The following ENTREP2 variants were observed in gnomAD, a reference collection of about 807,000 sequenced individuals.
The protein encoded by ENTREP2 is endosomal transmembrane epsin interactor 2.
chr15:29,320,486 G>C, the ENTREP2 span, among the ~76,000 whole-genome samples: 1 of 152,112 alleles, frequency 6.6e-6, no homozygotes, highest in Non-Finnish European at 1.5e-5. Flanking sequence ...CAAAAAATTA[G>C]AAGGCATGGT....
chr15:29,513,492 C>T, the ENTREP2 span, among the ~76,000 whole-genome samples: 17 of 152,298 alleles, frequency 1.1e-4, no homozygotes, highest in African/African-American at 3.8e-4. Context: ...AACCATGTCC[C>T]CTCCACCTTC....
At chr15:29,595,624 C>T in the ENTREP2 span, among the ~76,000 whole-genome samples, 1 of 152,150 alleles carries the variant, frequency 6.6e-6, no homozygotes, top group East Asian at 1.9e-4. Flanking sequence ...TTCTTAAGAG[C>T]AGCTACACAG....
At chr15:29,628,734 G>T in the ENTREP2 span, among the ~76,000 whole-genome samples, 1 of 152,092 alleles carries the variant, frequency 6.6e-6, no homozygotes, top group Non-Finnish European at 1.5e-5. Context: ...ATCACTGTGT[G>T]TTTTTGGATG....
chr15:29,207,277 C>T, the ENTREP2 span, among the ~76,000 whole-genome samples: 1 of 152,130 alleles, frequency 6.6e-6, no homozygotes, highest in Non-Finnish European at 1.5e-5. Flanking sequence ...TTGGTTCCCG[C>T]CCGTGGCTTC....
chr15:29,355,377 T>C, the ENTREP2 span, among the ~76,000 whole-genome samples: 1 of 151,764 alleles, frequency 6.6e-6, no homozygotes, highest in African/African-American at 2.4e-5. Context: ...AAACCGTGGT[T>C]CTGGACAGTA....
chr15:29,385,820 C>T, the ENTREP2 span, among the ~76,000 whole-genome samples: 1 of 152,158 alleles, frequency 6.6e-6, no homozygotes, highest in African/African-American at 2.4e-5. Flanking sequence ...TCCAAGACCA[C>T]TCTGGCCTCC....
At chr15:29,309,174 A>G in the ENTREP2 span, among the ~76,000 whole-genome samples, 1 of 152,218 alleles carries the variant, frequency 6.6e-6, no homozygotes, top group Non-Finnish European at 1.5e-5. Context: ...TGTCTCCCCT[A>G]TAATTGAATG....
At chr15:29,534,611 AG>A in the ENTREP2 span, among the ~76,000 whole-genome samples, 128 of 152,328 alleles carry the variant, frequency 8.4e-4, no homozygotes, top group African/African-American at 2.8e-3. Context: ...AATTCTTTTG[AG>A]GGCATGAGGG....
the ENTREP2 span, among the ~76,000 whole-genome samples, chr15:29,579,175 G>T: frequency 6.6e-6 from 1 of 152,136 alleles, no homozygotes; most frequent in African/African-American, 2.4e-5. Flanking sequence ...TAAAGTATGG[G>T]TCACCTTCAA....
the ENTREP2 span, among the ~76,000 whole-genome samples, chr15:29,428,349 T>A: frequency 6.6e-6 from 1 of 152,092 alleles, no homozygotes. Flanking sequence ...GAGTAGCTGT[T>A]ATTACAGGTG....
the ENTREP2 span, among the ~76,000 whole-genome samples, chr15:29,490,383 C>A: frequency 3.3e-5 from 5 of 151,766 alleles, no homozygotes; most frequent in South Asian, 1.0e-3. Context: ...ACAAAACCTC[C>A]ACAACATGGA....
At chr15:29,274,819 C>T in the ENTREP2 span, among the ~76,000 whole-genome samples, 7 of 152,132 alleles carry the variant, frequency 4.6e-5, no homozygotes, top group African/African-American at 1.2e-4. Flanking sequence ...GACACAGGAG[C>T]GCTTGTTAGG....
the ENTREP2 span, among the ~76,000 whole-genome samples, chr15:29,387,962 A>G: frequency 6.6e-6 from 1 of 152,338 alleles, no homozygotes. Context: ...TTATACAAAA[A>G]TTAATTCAAG....
At chr15:29,419,546 G>A in the ENTREP2 span, among the ~76,000 whole-genome samples, 1 of 152,026 alleles carries the variant, frequency 6.6e-6, no homozygotes, top group Non-Finnish European at 1.5e-5. Context: ...AAGAGAACAG[G>A]GTAGAAGAAA....
chr15:29,631,585 T>A, the ENTREP2 span, among the ~76,000 whole-genome samples: 2 of 152,244 alleles, frequency 1.3e-5, no homozygotes, highest in Non-Finnish European at 2.9e-5. Flanking sequence ...CCAGTTCTAA[T>A]CTTTTGATGT....
chr15:29,136,914 C>T, the ENTREP2 span: 5 of 897,796 alleles, frequency 5.6e-6, no homozygotes, highest in Non-Finnish European at 7.8e-6. Flanking sequence ...AGACCCTCTC[C>T]TTCCACTGCC....
the ENTREP2 span, among the ~76,000 whole-genome samples, chr15:29,141,159 C>T: frequency 2.6e-5 from 4 of 152,300 alleles, no homozygotes; most frequent in South Asian, 2.1e-4. Flanking sequence ...CACAGAGCCC[C>T]GAACATTTCA....
chr15:29,190,832 T>C, the ENTREP2 span, among the ~76,000 whole-genome samples: 1 of 152,160 alleles, frequency 6.6e-6, no homozygotes, highest in Non-Finnish European at 1.5e-5. Flanking sequence ...CAAATTAGAC[T>C]ATGGAAAAGA....
the ENTREP2 span, among the ~76,000 whole-genome samples, chr15:29,487,839 T>C: frequency 1.3e-5 from 2 of 152,152 alleles, no homozygotes; most frequent in African/African-American, 2.4e-5. Flanking sequence ...ATTACAGGCA[T>C]GCACCACCAC....
Sources: allele counts gnomAD v4.1 joint callset (sites outside exome capture counted in the v4.1 genomes callset), GRCh38; gene constraint gnomAD v4.1.1; transcripts MANE v1.5; gene names NCBI Gene and HGNC (gene_info 2026-07-23, HGNC 2026-07-21).